EGFL6: variants seen among roughly 807,000 people sequenced by gnomAD.
EGFL6 encodes the protein EGF like domain multiple 6.
Under a neutral mutation model 43.1 loss-of-function variants are expected in EGFL6, and 42 were observed. That is an observed-to-expected ratio of 0.98 (90% CI 0.76 to 1.26). The LOEUF (loss-of-function observed/expected upper bound fraction) is 1.26. EGFL6 is among the 50% of genes most tolerant of loss of function. The probability of loss-of-function intolerance (pLI) is 0.00; values close to 1 mark genes in which losing one functional copy is unlikely to be tolerated. For missense variants in EGFL6, 429 were observed against 427.8 expected, an observed-to-expected ratio of 1.00 and a Z score of -0.02; for synonymous variants, 164 against 163.2, an observed-to-expected ratio of 1.01 and a Z score of -0.04.
At chrX:13,601,283 C>T (rs776857232) in intron 4 of EGFL6, among the ~76,000 whole-genome samples, 17 of 111,686 alleles carry the variant, frequency 1.5e-4, no homozygotes, top group Admixed American at 1.5e-3. Context: ...AAATACATTC[C>T]GACTTACTCA....
intron 1 of EGFL6, among the ~76,000 whole-genome samples, chrX:13,582,396 C>G (rs766956547): frequency 4.5e-5 from 5 of 111,325 alleles, no homozygotes; most frequent in Non-Finnish European, 9.4e-5. Flanking sequence ...CATTTTTTAA[C>G]AAATGAGAGT....
chrX:13,586,412 G>T (rs762806546), intron 1 of EGFL6, among the ~76,000 whole-genome samples: 1 of 111,495 alleles, frequency 9.0e-6, no homozygotes, highest in Admixed American at 9.6e-5. Flanking sequence ...CCATAGGTTG[G>T]GTGGCTTATA....
chrX:13,631,782 G>A (rs565757820), intron 11 of EGFL6, among the ~76,000 whole-genome samples: 15 of 110,889 alleles, frequency 1.4e-4, no homozygotes, highest in South Asian at 3.8e-4. Flanking sequence ...GCAAGACTCC[G>A]TCTCACAAAA....
intron 8 of EGFL6, 97 bp from the exon 9 acceptor site, chrX:13,619,066 C>G (rs1050465887): frequency 7.9e-6 from 5 of 631,914 alleles, no homozygotes; most frequent in Non-Finnish European, 1.3e-5. Context: ...AATTAGAATA[C>G]ATGATCTAAC....
chrX:13,574,080 G>C (rs752052042), intron 1 of EGFL6, among the ~76,000 whole-genome samples: 1 of 112,086 alleles, frequency 8.9e-6, no homozygotes, highest in Non-Finnish European at 1.9e-5. Context: ...AAGAAGTGTC[G>C]TAAAAATAAG....
In EGFL6 at chrX:13,569,916, G is replaced by A; in HGVS notation, c.55G>A (p.Gly19Ser). The change falls in exon 1 of 12, where the codon GGT (glycine) becomes AGT (serine). Residue 19 changes from glycine (G) to serine (S), a missense_variant. Physicochemically the swap from Gly to Ser is moderately conservative, Grantham distance 56. Coordinates refer to ENST00000361306, the MANE Select transcript of EGFL6 (RefSeq NM_015507.4). ...GCTGCTGCTCTCCTGGGTGGCAGGT[G>A]GTTTCGGGAACGCGGCCAGGTGAGT... ...LPLLLSWVAG[G>S]FGNAASARHH... The A allele has an allele frequency of 8.3e-7, 1 of 1,212,071 alleles. No individual in the cohort carries two copies.
intron 8 of EGFL6, among the ~76,000 whole-genome samples, chrX:13,618,619 A>C (rs982891553): frequency 3.6e-5 from 4 of 111,927 alleles, no homozygotes; most frequent in African/African-American, 1.3e-4. Flanking sequence ...TGCTGTGCAG[A>C]ACCCACCATA....
At position 13,569,822 on chromosome X, in the gene EGFL6, C is replaced by G. The variant is rs948378795; in HGVS notation, c.-40C>G. Reference sequence around the variant, plus strand: ...CTACGGGGTCCGGCCGGCGCCCTCCCGAGGGGGGCTCAGGAGGAGGAAGGA... The same window carrying G: ...CTACGGGGTCCGGCCGGCGCCCTCCGGAGGGGGGCTCAGGAGGAGGAAGGA... On this transcript the variant is annotated 5_prime_UTR_variant, in exon 1 of 12. Coordinates refer to ENST00000361306, the MANE Select transcript of EGFL6 (RefSeq NM_015507.4). 2 of 1,192,831 alleles carry G rather than the reference C, an allele frequency of 1.7e-6. No homozygotes were observed. Among genetic ancestry groups the G allele is most frequent in the East Asian group, 3.0e-5 (1 of 33,652 alleles).
intron 7 of EGFL6, among the ~76,000 whole-genome samples, chrX:13,613,697 A>C (rs899889241): frequency 8.9e-6 from 1 of 112,138 alleles, no homozygotes; most frequent in Non-Finnish European, 1.9e-5. Flanking sequence ...TAAAGAGCTT[A>C]GCACCAGCCC....
At chrX:13,628,120 A>G (rs911919115) in intron 11 of EGFL6, among the ~76,000 whole-genome samples, 1 of 111,175 alleles carries the variant, frequency 9.0e-6, no homozygotes, top group African/African-American at 3.3e-5. Context: ...GGCATGGCCC[A>G]AGGCCTCAGG....
intron 4 of EGFL6, 84 bp from the exon 5 acceptor site, chrX:13,603,233 T>C (rs924148673): frequency 1.9e-6 from 2 of 1,037,770 alleles, no homozygotes; most frequent in Non-Finnish European, 2.5e-6. Flanking sequence ...TTCCATTCAA[T>C]GGCTCAGAAT....
chrX:13,632,600 G>A (rs1488528243), intron 11 of EGFL6, among the ~76,000 whole-genome samples: 2 of 110,882 alleles, frequency 1.8e-5, no homozygotes, highest in African/African-American at 3.3e-5. Context: ...CACCGTGCCC[G>A]GCCTTGACTA....
chrX:13,621,887 C>T (rs1047865088), intron 9 of EGFL6, among the ~76,000 whole-genome samples: 1 of 112,479 alleles, frequency 8.9e-6, no homozygotes, highest in African/African-American at 3.2e-5. Context: ...AAAGAATGTG[C>T]CTGTGAGACC....
intron 5 of EGFL6, among the ~76,000 whole-genome samples, chrX:13,603,757 T>TGAG (rs2045646647): frequency 8.9e-6 from 1 of 112,328 alleles, no homozygotes; most frequent in Admixed American, 9.5e-5. Flanking sequence ...TGTCATTTAA[T>TGAG]GAGTAAGGTC....
rs1374973487 is a variant in EGFL6, at chrX:13,633,283, C to G, written c.*188C>G. The G allele has an allele frequency of 2.7e-6, 1 of 366,080 alleles. No homozygotes were observed. The highest frequency in any genetic ancestry group is 4.6e-6 in the Non-Finnish European group (1 of 216,481). 30.2% of individuals were successfully genotyped at this position (366,080 alleles called of 1,213,427 possible). On this transcript the variant is annotated 3_prime_UTR_variant, in exon 12 of 12. Transcript: ENST00000361306. Reference sequence around the variant, plus strand: ...TGCTTTAAATATCATATCACTGTATCTTCTCAGTCATTTCTGAATCTTTCC... The same window carrying G: ...TGCTTTAAATATCATATCACTGTATGTTCTCAGTCATTTCTGAATCTTTCC...
rs531203836 is a variant in EGFL6, at chrX:13,620,516, G to A, written c.1183+1273G>A. On this transcript the variant is annotated intron_variant, in intron 9 of 11. Transcript: ENST00000361306. Reference sequence around the variant, plus strand: ...TTTGGTTTACAGGACCATCTCTACCGCAAAAAAAAATGTACCTCTCTAATT... The same window carrying A: ...TTTGGTTTACAGGACCATCTCTACCACAAAAAAAAATGTACCTCTCTAATT... 3.0e-4 allele frequency among the ~76,000 whole-genome samples: 33 copies of A among 109,197 alleles called. No homozygotes were observed. The South Asian group carries it at 0.012, about 40-fold the overall frequency. The allele number at this position is 109,197 out of a possible 115,157, so 94.8% of individuals were successfully genotyped here.
At chrX:13,607,717 G>T (rs1049847595) in intron 6 of EGFL6, among the ~76,000 whole-genome samples, 1 of 112,586 alleles carries the variant, frequency 8.9e-6, no homozygotes, top group Non-Finnish European at 1.9e-5. Flanking sequence ...TCAGCTTTGT[G>T]GCTAAATTAA....
At chrX:13,592,984 A>G (rs2045574005) in intron 2 of EGFL6, among the ~76,000 whole-genome samples, 2 of 97,366 alleles carry the variant, frequency 2.1e-5, no homozygotes, top group African/African-American at 7.4e-5. Context: ...GCGCAATCTC[A>G]GCTCACTGCA....
rs6633092 is a variant in EGFL6, at chrX:13,600,045, G to A, written c.351G>A (p.Lys117=). ...HRCVNTHGSY[K]CFCLSGHMLM... Reference sequence around the variant, plus strand: ...GTGTGAATACACACGGAAGCTACAAGTGCTTTTGCCTCAGTGGCCACATGC... The same window carrying A: ...GTGTGAATACACACGGAAGCTACAAATGCTTTTGCCTCAGTGGCCACATGC... Residue 117 remains lysine, a synonymous_variant, in exon 4 of 12, where the codon AAG becomes AAA. Coordinates refer to ENST00000361306, the MANE Select transcript of EGFL6 (RefSeq NM_015507.4). 4.8e-3 allele frequency: 5,766 copies of A among 1,209,514 alleles called. 131 individuals are homozygous for A. In the African/African-American group the frequency reaches 0.077, roughly 16 times the overall value.
Sources: allele counts gnomAD v4.1 joint callset (sites outside exome capture counted in the v4.1 genomes callset), GRCh38; gene constraint gnomAD v4.1.1; transcripts MANE v1.5; gene names NCBI Gene and HGNC (gene_info 2026-07-23, HGNC 2026-07-21).